CTNNA3: variants seen among roughly 807,000 people sequenced by gnomAD.
The protein encoded by CTNNA3 is catenin alpha 3, also known as catenin alpha-3.
Under a neutral mutation model 95.7 loss-of-function variants are expected in CTNNA3, and 76 were observed. That is an observed-to-expected ratio of 0.79 (90% CI 0.66 to 0.96). The LOEUF (loss-of-function observed/expected upper bound fraction) is 0.96, where lower values mean the gene tolerates loss of function less well. Ranked by LOEUF, CTNNA3 falls within the 40% of genes least tolerant of loss-of-function variation. CTNNA3 has a pLI of 0.00. For synonymous variants in CTNNA3, 431 were observed against 374.4 expected, an observed-to-expected ratio of 1.15 and a Z score of -1.74; for missense variants, 1,191 against 1,089.8, an observed-to-expected ratio of 1.09 and a Z score of -1.31.
At chr10:67,550,786 T>C (rs1841001611) in intron 3 of CTNNA3, among the ~76,000 whole-genome samples, 1 of 151,476 alleles carries the variant, frequency 6.6e-6, no homozygotes, top group South Asian at 2.1e-4. Context: ...ATGGAGTTTT[T>C]AAAAGGCAAA....
intron 13 of CTNNA3, among the ~76,000 whole-genome samples, chr10:66,165,614 T>C (rs1317030585): frequency 2.0e-5 from 3 of 151,904 alleles, no homozygotes; most frequent in Non-Finnish European, 4.4e-5. Flanking sequence ...AGAGGAAAAA[T>C]GGTGAAATAT....
In CTNNA3 at chr10:66,182,661, T is replaced by C. The variant is rs143948437; in HGVS notation, c.1885-79412A>G. 3.1e-3 allele frequency among the ~76,000 whole-genome samples: 469 copies of C among 152,250 alleles called. 2 individuals are homozygous for C. The highest frequency in any genetic ancestry group is 0.011 in the African/African-American group (439 of 41,532). ...GCATTCCAATGTGTGGAATTTTCTT[T>C]TTCCACTCAATCTGTCTACTTTTTA... On this transcript the variant is annotated intron_variant, in intron 13 of 17. Coordinates refer to ENST00000433211, the MANE Select transcript of CTNNA3 (RefSeq NM_013266.4).
At chr10:66,527,558 T>G (rs1841311964) in intron 10 of CTNNA3, among the ~76,000 whole-genome samples, 1 of 152,194 alleles carries the variant, frequency 6.6e-6, no homozygotes, top group Non-Finnish European at 1.5e-5. Flanking sequence ...ATGTCTTTTC[T>G]GTTTTTTATG....
intron 5 of CTNNA3, among the ~76,000 whole-genome samples, chr10:67,420,811 T>TAAA (rs1845721248): frequency 6.6e-6 from 1 of 152,140 alleles, no homozygotes; most frequent in Non-Finnish European, 1.5e-5. Flanking sequence ...TTAAACCAAA[T>TAAA]TGTAAAATAG....
chr10:66,115,552 A>G (rs2082297212), intron 13 of CTNNA3, among the ~76,000 whole-genome samples: 3 of 147,982 alleles, frequency 2.0e-5, no homozygotes, highest in African/African-American at 7.3e-5. Flanking sequence ...ATAGATAGAT[A>G]GATAGATAGA....
intron 13 of CTNNA3, among the ~76,000 whole-genome samples, chr10:66,159,289 T>C (rs1262713202): frequency 6.6e-6 from 1 of 152,132 alleles, no homozygotes; most frequent in Non-Finnish European, 1.5e-5. Context: ...ATGTTGGCTG[T>C]GAGTTTGTCA....
At chr10:66,571,029 G>T (rs779846394) in intron 10 of CTNNA3, among the ~76,000 whole-genome samples, 3 of 152,056 alleles carry the variant, frequency 2.0e-5, no homozygotes, top group Non-Finnish European at 4.4e-5. Context: ...ATTTGATCTG[G>T]CTCCAGATGA....
intron 3 of CTNNA3, among the ~76,000 whole-genome samples, chr10:67,553,999 AACAT>A (rs1410294777): frequency 6.6e-6 from 1 of 152,192 alleles, no homozygotes; most frequent in Non-Finnish European, 1.5e-5. Context: ...TATGAGTGAG[AACAT>A]ACAGTGTTTG....
intron 13 of CTNNA3, among the ~76,000 whole-genome samples, chr10:66,171,270 T>A (rs57755606): frequency 0.15 from 21,414 of 147,530 alleles, 2,426 homozygotes; most frequent in African/African-American, 0.32. Context: ...AGCCTTTATT[T>A]AAAAAAAAAA....
At chr10:66,128,720 AT>A in intron 13 of CTNNA3, among the ~76,000 whole-genome samples, 1 of 152,176 alleles carries the variant, frequency 6.6e-6, no homozygotes, top group African/African-American at 2.4e-5. Context: ...ATGGTGTTTA[AT>A]GTCCAAACTC....
chr10:67,485,781 A>T (rs979406073), intron 5 of CTNNA3, among the ~76,000 whole-genome samples: 1 of 152,210 alleles, frequency 6.6e-6, no homozygotes, highest in African/African-American at 2.4e-5. Context: ...CCAAAGCACA[A>T]GAAACCTAAA....
At chr10:66,900,927 G>A (rs1353968775) in intron 7 of CTNNA3, among the ~76,000 whole-genome samples, 1 of 152,202 alleles carries the variant, frequency 6.6e-6, no homozygotes, top group Non-Finnish European at 1.5e-5. Flanking sequence ...GTGACACGGA[G>A]AATGGAACCA....
chr10:67,332,018 T>C (rs1904624), intron 5 of CTNNA3, among the ~76,000 whole-genome samples: 112,460 of 152,106 alleles, frequency 0.74, 44,584 homozygotes, highest in Non-Finnish European at 0.88. Context: ...ACTGAATGAA[T>C]GAAGTGCTAA....
At chr10:66,754,051 C>T (rs1304667904) in intron 9 of CTNNA3, among the ~76,000 whole-genome samples, 1 of 152,032 alleles carries the variant, frequency 6.6e-6, no homozygotes, top group Non-Finnish European at 1.5e-5. Context: ...TATAGAAATA[C>T]AAGGGACCTA....
chr10:67,357,450 C>T lies in CTNNA3; in HGVS notation c.580-137580G>A, dbSNP rs570623445. Among the ~76,000 whole-genome samples, 57 of 151,942 alleles carry T rather than the reference C, an allele frequency of 3.8e-4. 1 individual carries two copies. In the South Asian group the frequency reaches 7.7e-3, roughly 20 times the overall value. Reference sequence around the variant, plus strand: ...TATATTCAATAAAATATGCCATTTACGATAGCAGAAAAGACACTAGAGTAA... The same window carrying T: ...TATATTCAATAAAATATGCCATTTATGATAGCAGAAAAGACACTAGAGTAA... On this transcript the variant is annotated intron_variant, in intron 5 of 17. Transcript: ENST00000433211.
intron 7 of CTNNA3, among the ~76,000 whole-genome samples, chr10:66,985,582 A>C (rs555804188): frequency 2.6e-5 from 4 of 152,166 alleles, no homozygotes; most frequent in Non-Finnish European, 5.9e-5. Flanking sequence ...GACCAACGAC[A>C]GAGTCCATAA....
intron 3 of CTNNA3, among the ~76,000 whole-genome samples, chr10:67,576,210 T>G (rs148665865): frequency 6.6e-6 from 1 of 152,274 alleles, no homozygotes; most frequent in Non-Finnish European, 1.5e-5. Flanking sequence ...ATGAAGCTTC[T>G]GAAGGCCATT....
intron 5 of CTNNA3, among the ~76,000 whole-genome samples, chr10:67,254,828 T>C (rs1169712897): frequency 6.6e-6 from 1 of 152,190 alleles, no homozygotes. Context: ...AGGCTATACC[T>C]TCTAGGTTTG....
intron 7 of CTNNA3, among the ~76,000 whole-genome samples, chr10:67,140,554 T>A (rs1860510337): frequency 1.3e-5 from 2 of 152,164 alleles, no homozygotes; most frequent in South Asian, 2.1e-4. Context: ...ACTAATTACA[T>A]GTACAAAGAG....
Sources: allele counts gnomAD v4.1 joint callset (sites outside exome capture counted in the v4.1 genomes callset), GRCh38; gene constraint gnomAD v4.1.1; transcripts MANE v1.5; gene names NCBI Gene and HGNC (gene_info 2026-07-23, HGNC 2026-07-21).